Variants in SLC39A11 observed in about 807,000 individuals in gnomAD.
SLC39A11 encodes the protein solute carrier family 39 member 11.
SLC39A11 carries 33 observed loss-of-function variants against 36.1 expected under a neutral mutation model. The ratio of observed to expected loss-of-function variants is 0.91; its 90% CI spans 0.69 to 1.22. The LOEUF (loss-of-function observed/expected upper bound fraction) is 1.22. Ranked by LOEUF, SLC39A11 falls within the 50% of genes most tolerant of loss-of-function variation. The pLI, the probability that SLC39A11 is intolerant of heterozygous loss-of-function variation, is 0.00. For synonymous variants in SLC39A11, 166 were observed against 170.3 expected (o/e 0.97, Z 0.20); for missense variants, 432 against 430.3 (o/e 1.00, Z -0.03).
chr17:72,736,791 C>T, intron 6 of SLC39A11, 72 bp from the exon 7 acceptor site: 1 of 1,215,990 alleles, frequency 8.2e-7, no homozygotes, highest in Non-Finnish European at 1.2e-6. Flanking sequence ...ATCACTGTCA[C>T]TGCATTAAGT....
chr17:72,741,568 G>A (rs989459215), intron 6 of SLC39A11, among the ~76,000 whole-genome samples: 1 of 152,146 alleles, frequency 6.6e-6, no homozygotes, highest in African/African-American at 2.4e-5. Context: ...CATTTCCCGA[G>A]GCAAAGAATC....
At chr17:72,942,584 G>A (rs566560689) in intron 5 of SLC39A11, among the ~76,000 whole-genome samples, 2 of 152,148 alleles carry the variant, frequency 1.3e-5, no homozygotes, top group South Asian at 4.1e-4. Context: ...GGAAATATCA[G>A]TGACAAAAGG....
At chr17:73,046,218 G>C (rs2059285669) in intron 3 of SLC39A11, among the ~76,000 whole-genome samples, 1 of 152,206 alleles carries the variant, frequency 6.6e-6, no homozygotes, top group South Asian at 2.1e-4. Context: ...ATGAGGCTTG[G>C]AGGCAGATCT....
chr17:72,709,355 C>T (rs78225178), intron 7 of SLC39A11, among the ~76,000 whole-genome samples: 1 of 152,310 alleles, frequency 6.6e-6, no homozygotes, highest in South Asian at 2.1e-4. Flanking sequence ...ACCTCAGCCT[C>T]CCAAAGTGCT....
At chr17:72,903,441 C>A (rs963311025) in intron 5 of SLC39A11, among the ~76,000 whole-genome samples, 2 of 152,084 alleles carry the variant, frequency 1.3e-5, no homozygotes, top group African/African-American at 4.8e-5. Flanking sequence ...TTCCTAAGAC[C>A]CCGATTCAGA....
intron 6 of SLC39A11, among the ~76,000 whole-genome samples, chr17:72,783,004 CAAAA>C (rs34750819): frequency 2.5e-5 from 2 of 81,008 alleles, no homozygotes; most frequent in Admixed American, 1.4e-4. Flanking sequence ...TCTGTCTCAA[CAAAA>C]AAAAAAAAAA....
intron 5 of SLC39A11, among the ~76,000 whole-genome samples, chr17:72,928,964 G>T (rs911103287): frequency 5.9e-5 from 9 of 152,198 alleles, no homozygotes; most frequent in African/African-American, 2.2e-4. Context: ...CTGTGAACCC[G>T]CATTGGTGTG....
chr17:72,738,921 C>T (rs564474771), intron 6 of SLC39A11, among the ~76,000 whole-genome samples: 5 of 152,096 alleles, frequency 3.3e-5, no homozygotes, highest in South Asian at 2.1e-4. Context: ...AAGAAGGCAG[C>T]GGAGACTTAT....
intron 6 of SLC39A11, among the ~76,000 whole-genome samples, chr17:72,804,210 A>C (rs2077182670): frequency 6.6e-6 from 1 of 152,122 alleles, no homozygotes; most frequent in African/African-American, 2.4e-5. Flanking sequence ...GTTAGCCAGG[A>C]TGTAAACACT....
chr17:72,941,862 CTATTTATT>C (rs141344356), intron 5 of SLC39A11, among the ~76,000 whole-genome samples: 3,527 of 144,756 alleles, frequency 0.024, 145 homozygotes, highest in African/African-American at 0.083. Context: ...TTGCTTCATT[CTATTTATT>C]TATTTATTTA....
chr17:73,019,127 T>C (rs150635140), intron 4 of SLC39A11, among the ~76,000 whole-genome samples: 1 of 152,318 alleles, frequency 6.6e-6, no homozygotes, highest in Non-Finnish European at 1.5e-5. Context: ...TGTATTCAGA[T>C]AAATAAAAGC....
At chr17:72,678,498 A>C (rs2071370805) in intron 7 of SLC39A11, among the ~76,000 whole-genome samples, 5 of 152,066 alleles carry the variant, frequency 3.3e-5, no homozygotes, top group Admixed American at 1.3e-4. Context: ...CAAGGTCAGG[A>C]GTTTAAGACT....
At chr17:72,787,217 T>C (rs2076546980) in intron 6 of SLC39A11, among the ~76,000 whole-genome samples, 1 of 151,862 alleles carries the variant, frequency 6.6e-6, no homozygotes, top group South Asian at 2.1e-4. Context: ...GCCACCAGTC[T>C]TTACCATTTG....
intron 3 of SLC39A11, chr17:73,067,981 A>C: frequency 1.9e-6 from 3 of 1,593,276 alleles, no homozygotes; most frequent in Non-Finnish European, 2.6e-6. Flanking sequence ...ACTGATTCAC[A>C]TAAATAAACA....
At chr17:72,925,158 G>A (rs117061397) in intron 5 of SLC39A11, among the ~76,000 whole-genome samples, 4,679 of 152,224 alleles carry the variant, frequency 0.031, 106 homozygotes, top group Non-Finnish European at 0.047. Flanking sequence ...TGAAATACAA[G>A]TGCTCACTGG....
chr17:73,060,633 T>A (rs1297951010), intron 3 of SLC39A11, among the ~76,000 whole-genome samples: 1 of 152,158 alleles, frequency 6.6e-6, no homozygotes, highest in Non-Finnish European at 1.5e-5. Flanking sequence ...AAAGGATACA[T>A]CTCTCACCTT....
At chr17:73,062,904 G>A (rs1416049513) in intron 3 of SLC39A11, among the ~76,000 whole-genome samples, 1 of 152,160 alleles carries the variant, frequency 6.6e-6, no homozygotes, top group African/African-American at 2.4e-5. Context: ...GACAGGAGGA[G>A]TTCAGGAGGT....
chr17:72,937,193 C>A (rs1048646126), intron 5 of SLC39A11, among the ~76,000 whole-genome samples: 3 of 152,212 alleles, frequency 2.0e-5, no homozygotes, highest in African/African-American at 7.2e-5. Flanking sequence ...GTAATCCCAG[C>A]ACTTTGGGAG....
chr17:72,951,349 C>T (rs997874426), intron 4 of SLC39A11, among the ~76,000 whole-genome samples: 7 of 151,126 alleles, frequency 4.6e-5, no homozygotes, highest in South Asian at 2.1e-4. Flanking sequence ...TCAATCAGGA[C>T]GCCATAGCTC....
Sources: allele counts gnomAD v4.1 joint callset (sites outside exome capture counted in the v4.1 genomes callset), GRCh38; gene constraint gnomAD v4.1.1; transcripts MANE v1.5; gene names NCBI Gene and HGNC (gene_info 2026-07-23, HGNC 2026-07-21).